Variants in AGBL1 observed in about 807,000 individuals in gnomAD.
AGBL1 encodes the protein AGBL carboxypeptidase 1, also known as cytosolic carboxypeptidase 4.
Under a neutral mutation model 118.9 loss-of-function variants are expected in AGBL1, and 130 were observed. The observed-to-expected ratio is 1.09, with a 90% CI of 0.95 to 1.26. AGBL1 has a LOEUF of 1.26. Among genes scored for constraint, AGBL1 ranks in the 50% most tolerant of loss-of-function variants. The pLI, the probability that AGBL1 is intolerant of heterozygous loss-of-function variation, is 0.00. For synonymous variants in AGBL1, 555 were observed against 478.9 expected, an observed-to-expected ratio of 1.16 and a Z score of -2.08; for missense variants, 1,584 against 1,298.1, an observed-to-expected ratio of 1.22 and a Z score of -3.38.
At chr15:86,326,569 C>G (rs1043922831) in intron 17 of AGBL1, among the ~76,000 whole-genome samples, 2 of 147,024 alleles carry the variant, frequency 1.4e-5, no homozygotes, top group Non-Finnish European at 2.9e-5. Context: ...ATGTGTATAG[C>G]TTTTCTTTTC....
chr15:86,331,522 C>T (rs926398938), intron 17 of AGBL1, among the ~76,000 whole-genome samples: 3 of 152,058 alleles, frequency 2.0e-5, no homozygotes, highest in African/African-American at 7.2e-5. Context: ...AAGGTCAACA[C>T]TGAAGAAAAA....
chr15:86,791,097 G>A (rs2078487197), intron 22 of AGBL1, among the ~76,000 whole-genome samples: 1 of 152,200 alleles, frequency 6.6e-6, no homozygotes, highest in South Asian at 2.1e-4. Flanking sequence ...TTTAGACTGA[G>A]ATCACATCCT....
At chr15:86,708,323 G>A (rs960543123) in intron 22 of AGBL1, among the ~76,000 whole-genome samples, 13 of 152,008 alleles carry the variant, frequency 8.6e-5, no homozygotes, top group African/African-American at 3.1e-4. Flanking sequence ...AAAAGACATA[G>A]GAGAGGTCAT....
intron 5 of AGBL1, among the ~76,000 whole-genome samples, chr15:86,170,385 A>T (rs77687689): frequency 6.6e-6 from 1 of 152,200 alleles, no homozygotes; most frequent in Admixed American, 6.5e-5. Flanking sequence ...AGCCCAGTAC[A>T]TATAATTTGA....
intron 24 of AGBL1, among the ~76,000 whole-genome samples, chr15:86,992,558 G>C (rs1481647617): frequency 6.6e-6 from 1 of 152,014 alleles, no homozygotes; most frequent in East Asian, 1.9e-4. Context: ...CCTAATTGCA[G>C]TCTTATTGGC....
At chr15:86,315,681 G>A (rs547476430) in intron 17 of AGBL1, among the ~76,000 whole-genome samples, 7 of 144,624 alleles carry the variant, frequency 4.8e-5, no homozygotes, top group South Asian at 4.4e-4. Flanking sequence ...TCACACCACC[G>A]CACTCCAGCC....
chr15:86,979,554 T>G (rs1034071603), intron 23 of AGBL1, among the ~76,000 whole-genome samples: 1 of 152,020 alleles, frequency 6.6e-6, no homozygotes. Flanking sequence ...AGTGGCGCGA[T>G]CTCGGCTCAC....
chr15:86,549,040 G>A (rs76164716), intron 20 of AGBL1, among the ~76,000 whole-genome samples: 5,162 of 151,982 alleles, frequency 0.034, 301 homozygotes, highest in African/African-American at 0.12. Flanking sequence ...TTATTGCAAC[G>A]ACAGCACCAA....
chr15:86,689,642 T>C (rs1321230698), intron 22 of AGBL1, among the ~76,000 whole-genome samples: 3 of 152,054 alleles, frequency 2.0e-5, no homozygotes, highest in Non-Finnish European at 4.4e-5. Context: ...TGATGGGGAT[T>C]TACACCCATG....
chr15:86,353,676 G>T (rs544660053), intron 17 of AGBL1, among the ~76,000 whole-genome samples: 104 of 152,322 alleles, frequency 6.8e-4, no homozygotes, highest in Non-Finnish European at 1.2e-3. Context: ...GTTTATCTTG[G>T]AAACCACAAG....
chr15:86,095,646 CCTTTTTTT>C lies in AGBL1; in HGVS notation c.51+15624_51+15631del, dbSNP rs1213588612. Among the ~76,000 whole-genome samples the C allele has an allele frequency of 9.1e-4, 106 of 116,670 alleles. 1 individual carries two copies. Among genetic ancestry groups the C allele is most frequent in the African/African-American group, 2.7e-3 (86 of 31,976 alleles). 76.5% of individuals were successfully genotyped at this position (116,670 alleles called of 152,430 possible). On this transcript the variant is annotated intron_variant, in intron 1 of 22. Transcript: ENST00000614907. ...TCATAATGTCACATGACCTTGGATA[CCTTTTTTT>C]TTTTTTTTTTTTTTTTTTTTTACCT...
At chr15:86,891,237 A>G (rs2080047808) in intron 22 of AGBL1, among the ~76,000 whole-genome samples, 1 of 152,062 alleles carries the variant, frequency 6.6e-6, no homozygotes, top group African/African-American at 2.4e-5. Context: ...TTGATGTTGT[A>G]TCCTGAGACT....
chr15:86,215,258 T>C (rs1205747811), intron 5 of AGBL1, among the ~76,000 whole-genome samples: 3 of 151,360 alleles, frequency 2.0e-5, no homozygotes, highest in Non-Finnish European at 4.4e-5. Flanking sequence ...TGTGTGTGTG[T>C]GTGTGTGATT....
At chr15:86,493,273 T>C in intron 18 of AGBL1, among the ~76,000 whole-genome samples, 1 of 151,972 alleles carries the variant, frequency 6.6e-6, no homozygotes, top group Admixed American at 6.6e-5. Context: ...TGATCACGTG[T>C]TTTAGAAAGA....
intron 24 of AGBL1, among the ~76,000 whole-genome samples, chr15:87,015,940 C>T (rs2081604744): frequency 6.6e-6 from 1 of 152,090 alleles, no homozygotes; most frequent in African/African-American, 2.4e-5. Context: ...TTTACTGTGT[C>T]CTAGGTGATA....
chr15:86,930,854 G>A (rs1334769791), intron 23 of AGBL1, among the ~76,000 whole-genome samples: 1 of 152,124 alleles, frequency 6.6e-6, no homozygotes, highest in African/African-American at 2.4e-5. Context: ...CAAGCAAAAA[G>A]GTAATAGTGG....
chr15:86,996,564 T>C (rs1174899139), intron 24 of AGBL1, among the ~76,000 whole-genome samples: 5 of 152,222 alleles, frequency 3.3e-5, no homozygotes, highest in African/African-American at 7.2e-5. Flanking sequence ...AAGGTGCCAC[T>C]GTACTCCAGC....
At position 86,883,108 on chromosome 15, in the gene AGBL1, A is replaced by G. The variant is rs2079919185; in HGVS notation, c.3159-23979A>G. On this transcript the variant is annotated intron_variant, in intron 22 of 22. Coordinates refer to ENST00000614907, the MANE Select transcript of AGBL1 (RefSeq NM_001386094.1). ...CACATCTAATTATATCCTCATTAAT[A>G]GATGTCAAATATTATTATTTAAAAC... is the stretch of plus-strand genomic sequence containing the variant. Among the ~76,000 whole-genome samples, 5 of 152,242 alleles carry G rather than the reference A, an allele frequency of 3.3e-5. 1 individual carries two copies. Among genetic ancestry groups the G allele is most frequent in the Admixed American group, 3.3e-4 (5 of 15,280 alleles).
At chr15:86,313,600 A>T (rs982356358) in intron 17 of AGBL1, among the ~76,000 whole-genome samples, 2 of 152,230 alleles carry the variant, frequency 1.3e-5, no homozygotes, top group African/African-American at 2.4e-5. Flanking sequence ...GATTAAATCA[A>T]TATGTATCCA....
Sources: gnomAD v4.1 joint callset for allele counts (sites outside exome capture counted in the v4.1 genomes callset) on GRCh38, gnomAD v4.1.1 for gene constraint, MANE v1.5 for transcripts, NCBI Gene and HGNC (gene_info 2026-07-23, HGNC 2026-07-21) for gene names.